The following ME1 variants were observed in gnomAD, a reference collection of about 807,000 sequenced individuals.
ME1 encodes malic enzyme 1.
In ME1, 74 loss-of-function variants were observed where a neutral mutation model predicts 66.4. That is an observed-to-expected ratio of 1.11 (90% confidence interval 0.92 to 1.35). ME1 has a LOEUF of 1.35. Ranked by LOEUF, ME1 falls within the 40% of genes most tolerant of loss-of-function variation. The probability of loss-of-function intolerance (pLI) is 0.00; values close to 1 mark genes in which losing one functional copy is unlikely to be tolerated. For synonymous variants in ME1, 251 were observed against 235.6 expected (o/e 1.07, Z -0.60); for missense variants, 750 against 694.1 (o/e 1.08, Z -0.90).
At chr6:83,230,134 T>TG (rs1562453218) in intron 9 of ME1, among the ~76,000 whole-genome samples, 1 of 151,922 alleles carries the variant, frequency 6.6e-6, no homozygotes. Flanking sequence ...CTCTGTTTTT[T>TG]TTTGTTGTTG....
At chr6:83,400,755 C>A (rs1022449625) in intron 2 of ME1, among the ~76,000 whole-genome samples, 3 of 152,120 alleles carry the variant, frequency 2.0e-5, no homozygotes, top group African/African-American at 7.2e-5. Context: ...AAGAGGCTAC[C>A]CTTTCCATTC....
rs891837693 is a variant in ME1, at chr6:83,211,556, A to T, written c.*368T>A. ...TTTTTTTGAAAAGTAGATTTTAACA[A>T]AATGGTCAACAAAATAATTATGAGT... On this transcript the variant is annotated 3_prime_UTR_variant, in exon 14 of 14. Coordinates refer to ENST00000369705, the MANE Select transcript of ME1 (RefSeq NM_002395.6). 4 of 154,890 alleles carry T rather than the reference A, an allele frequency of 2.6e-5. No homozygotes were observed. The highest frequency in any genetic ancestry group is 9.6e-5 in the African/African-American group (4 of 41,540). 9.6% of individuals were successfully genotyped at this position (154,890 alleles called of 1,614,324 possible).
intron 12 of ME1, among the ~76,000 whole-genome samples, chr6:83,219,072 G>A (rs1023918876): frequency 1.3e-5 from 2 of 152,128 alleles, no homozygotes; most frequent in African/African-American, 4.8e-5. Context: ...GGCTCTTACC[G>A]AAATGGCACT....
intron 1 of ME1, among the ~76,000 whole-genome samples, chr6:83,420,211 G>C (rs1314694808): frequency 1.3e-5 from 2 of 152,160 alleles, no homozygotes; most frequent in African/African-American, 2.4e-5. Context: ...GGGACTACAG[G>C]CGCCCACCGC....
intron 6 of ME1, among the ~76,000 whole-genome samples, chr6:83,296,143 A>C (rs1181078061): frequency 6.6e-6 from 1 of 152,084 alleles, no homozygotes; most frequent in African/African-American, 2.4e-5. Flanking sequence ...ATTTGAGGAG[A>C]GTCTTCTCCT....
intron 3 of ME1, among the ~76,000 whole-genome samples, chr6:83,384,050 A>G (rs1769456504): frequency 6.6e-6 from 1 of 151,768 alleles, no homozygotes; most frequent in Admixed American, 6.6e-5. Flanking sequence ...TACGCACCAC[A>G]TTTTCTTTAT....
intron 6 of ME1, among the ~76,000 whole-genome samples, chr6:83,281,836 G>GAAAAAAAAAAA (rs1767298402): frequency 1.6e-5 from 1 of 64,240 alleles, no homozygotes; most frequent in Admixed American, 1.9e-4. Context: ...AAAAAAAAAA[G>GAAAAAAAAAAA]AAAAGAAAAC....
chr6:83,253,791 A>C, intron 6 of ME1, 53 bp from the exon 7 acceptor site: 1 of 932,220 alleles, frequency 1.1e-6, no homozygotes, highest in Non-Finnish European at 1.7e-6. Context: ...GCTATTTAAA[A>C]ATAAACTTTT....
intron 1 of ME1, among the ~76,000 whole-genome samples, chr6:83,414,594 C>T (rs1354281175): frequency 1.3e-5 from 2 of 151,906 alleles, no homozygotes; most frequent in South Asian, 4.1e-4. Context: ...ATTTAAATGA[C>T]ATGTTTGCTT....
At chr6:83,270,783 G>C (rs1767069517) in intron 6 of ME1, among the ~76,000 whole-genome samples, 1 of 152,068 alleles carries the variant, frequency 6.6e-6, no homozygotes, top group African/African-American at 2.4e-5. Context: ...GTCCACAGGA[G>C]TTGAAAAGAT....
At chr6:83,424,046 G>A (rs1030550183) in intron 1 of ME1, among the ~76,000 whole-genome samples, 1 of 150,320 alleles carries the variant, frequency 6.7e-6, no homozygotes, top group Non-Finnish European at 1.5e-5. Context: ...GCAGTGAGCT[G>A]TGATCACGCC....
intron 4 of ME1, among the ~76,000 whole-genome samples, chr6:83,350,462 CTTGT>C (rs1202636353): frequency 1.3e-5 from 2 of 152,014 alleles, no homozygotes; most frequent in Admixed American, 1.3e-4. Flanking sequence ...CTTGTTAATT[CTTGT>C]TTGTTTGTTT....
At chr6:83,372,169 G>A (rs376536169) in intron 3 of ME1, among the ~76,000 whole-genome samples, 39 of 152,148 alleles carry the variant, frequency 2.6e-4, no homozygotes, top group East Asian at 7.7e-4. Flanking sequence ...CACTTCTCCC[G>A]TAGAGAAGTG....
chr6:83,262,013 C>CAAAAAAA (rs374491049), intron 6 of ME1, among the ~76,000 whole-genome samples: 13 of 76,888 alleles, frequency 1.7e-4, no homozygotes, highest in African/African-American at 2.2e-4. Context: ...GAATCCATCT[C>CAAAAAAA]AAAAAAAAAA....
intron 1 of ME1, among the ~76,000 whole-genome samples, chr6:83,427,820 G>A (rs1379758567): frequency 2.6e-5 from 4 of 151,946 alleles, no homozygotes; most frequent in East Asian, 1.9e-4. Flanking sequence ...TGAGACCAGC[G>A]TGGCCAACAT....
At position 83,316,907 on chromosome 6, in the gene ME1, T is replaced by G. The variant is rs79785434; in HGVS notation, c.601-1494A>C. On this transcript the variant is annotated intron_variant, in intron 5 of 13. Coordinates refer to ENST00000369705, the MANE Select transcript of ME1 (RefSeq NM_002395.6). ...CACACTGGAAACTACAAAATATTGC[T>G]GAAAGAAACTCAAAAAGACTTAAAT... is the stretch of plus-strand genomic sequence containing the variant. Among the ~76,000 whole-genome samples the G allele has an allele frequency of 4.0e-5, 6 of 151,318 alleles. No homozygotes were observed. The East Asian group carries it at 1.2e-3, about 29-fold the overall frequency.
chr6:83,349,012 A>AC (rs1768747101), intron 4 of ME1, among the ~76,000 whole-genome samples: 1 of 142,216 alleles, frequency 7.0e-6, no homozygotes, highest in African/African-American at 2.8e-5. Flanking sequence ...CAAAAAACAA[A>AC]AAACAGTGCA....
At chr6:83,305,360 G>A (rs1767805243) in intron 6 of ME1, among the ~76,000 whole-genome samples, 1 of 152,042 alleles carries the variant, frequency 6.6e-6, no homozygotes, top group Non-Finnish European at 1.5e-5. Context: ...AGGAAAAGTA[G>A]AGCAAAACAA....
At chr6:83,272,346 TG>T (rs1272886100) in intron 6 of ME1, among the ~76,000 whole-genome samples, 1 of 152,158 alleles carries the variant, frequency 6.6e-6, no homozygotes, top group Non-Finnish European at 1.5e-5. Flanking sequence ...TGTGCTATCT[TG>T]AATTTCCATA....
Sources: allele counts gnomAD v4.1 joint callset (sites outside exome capture counted in the v4.1 genomes callset), GRCh38; gene constraint gnomAD v4.1.1; transcripts MANE v1.5; gene names NCBI Gene and HGNC (gene_info 2026-07-23, HGNC 2026-07-21).